The following ZMYM2 variants were observed in gnomAD, a reference collection of about 807,000 sequenced individuals.
The protein encoded by ZMYM2 is zinc finger MYM-type containing 2.
In ZMYM2, 56 loss-of-function variants were observed where a neutral mutation model predicts 162.8. The observed-to-expected ratio is 0.34, with a 90% CI of 0.28 to 0.43. ZMYM2 has a LOEUF of 0.43. Ranked by LOEUF, ZMYM2 falls within the 20% of genes least tolerant of loss-of-function variation. The probability of loss-of-function intolerance (pLI) is 1.00; values close to 1 mark genes in which losing one functional copy is unlikely to be tolerated. For synonymous variants in ZMYM2, 510 were observed against 541.6 expected (o/e 0.94, Z 0.81); for missense variants, 1,275 against 1,621.8 (o/e 0.79, Z 3.67).
chr13:20,005,767 T>G (rs1189786530), intron 5 of ZMYM2, among the ~76,000 whole-genome samples: 1 of 152,202 alleles, frequency 6.6e-6, no homozygotes, highest in Non-Finnish European at 1.5e-5. Flanking sequence ...TTTTAAAAAT[T>G]GGTCTAAAGA....
the ZMYM2 span, among the ~76,000 whole-genome samples, chr13:19,937,530 C>T: frequency 1.4e-5 from 2 of 145,452 alleles, no homozygotes; most frequent in African/African-American, 2.6e-5. Flanking sequence ...GTGGCGTGAT[C>T]TCAGCTCACT....
the ZMYM2 span, among the ~76,000 whole-genome samples, chr13:19,917,184 A>G: frequency 6.6e-3 from 996 of 152,000 alleles, 5 homozygotes; most frequent in Middle Eastern, 0.017. Context: ...GGATGGTCTC[A>G]ATCTCCTGAC....
the ZMYM2 span, among the ~76,000 whole-genome samples, chr13:19,941,853 C>G: frequency 5.9e-5 from 9 of 151,320 alleles, no homozygotes; most frequent in African/African-American, 2.4e-5. Flanking sequence ...CTAAGCCGAT[C>G]CTCCCACCTC....
intron 8 of ZMYM2, 31 bp from the exon 9 acceptor site, chr13:20,027,172 A>G: frequency 2.0e-6 from 3 of 1,477,272 alleles, no homozygotes; most frequent in South Asian, 1.3e-5. Context: ...TACTTTATAA[A>G]CAAATCAGAT....
intron 21 of ZMYM2, among the ~76,000 whole-genome samples, chr13:20,072,722 C>T (rs1957180609): frequency 6.6e-6 from 1 of 151,968 alleles, no homozygotes; most frequent in South Asian, 2.1e-4. Context: ...ATCACTTAAT[C>T]AGTTCCTTTA....
chr13:20,034,294 A>G lies in ZMYM2; in HGVS notation c.2009A>G (p.Asp670Gly). Residue 670 changes from aspartate to glycine, a missense_variant, in exon 11 of 25, where the codon GAC (aspartate) becomes GGC (glycine). Physicochemically the swap from Asp to Gly is moderately conservative, Grantham distance 94. This residue lies in a region of ZMYM2 where 276 missense variants were observed against 311.8 expected (regional missense o/e 0.89). Transcript: ENST00000610343. The part of the protein sequence containing the change: ...HQFCSKTCSD[D>G]YKKLHCIVTY... ...TTCTGCAGCAAAACTTGTTCAGATG[A>G]CTATAAGAAGTTGCATTGCATAGTT... 2 of 1,609,672 alleles carry G rather than the reference A, an allele frequency of 1.2e-6. No individual in the cohort carries two copies. Among genetic ancestry groups the G allele is most frequent in the Non-Finnish European group, 1.7e-6 (2 of 1,178,450 alleles).
At chr13:20,054,838 T>C (rs1955657804) in intron 14 of ZMYM2, among the ~76,000 whole-genome samples, 1 of 152,160 alleles carries the variant, frequency 6.6e-6, no homozygotes, top group South Asian at 2.1e-4. Context: ...ATGTAACAGA[T>C]ACTGTTTGCT....
chr13:19,876,614 C>T, the ZMYM2 span, among the ~76,000 whole-genome samples: 16 of 152,130 alleles, frequency 1.1e-4, no homozygotes, highest in African/African-American at 3.6e-4. Flanking sequence ...TGAGCCACCT[C>T]GCCTGGCCTA....
At chr13:19,919,411 AG>A in the ZMYM2 span, among the ~76,000 whole-genome samples, 1 of 152,166 alleles carries the variant, frequency 6.6e-6, no homozygotes, top group Non-Finnish European at 1.5e-5. Context: ...TAGTGTTTTA[AG>A]AAGCTGCCAA....
At chr13:19,970,898 A>G (rs1389207060) in intron 2 of ZMYM2, among the ~76,000 whole-genome samples, 1 of 152,148 alleles carries the variant, frequency 6.6e-6, no homozygotes, top group Non-Finnish European at 1.5e-5. Flanking sequence ...TGTTTGATGC[A>G]GGAGGATCTT....
At chr13:19,937,808 T>G in the ZMYM2 span, among the ~76,000 whole-genome samples, 21 of 106,930 alleles carry the variant, frequency 2.0e-4, no homozygotes, top group Middle Eastern at 0.023. Context: ...CTCACAACAG[T>G]CCCTGGTGTG....
chr13:19,901,666 G>A, the ZMYM2 span, among the ~76,000 whole-genome samples: 9 of 152,050 alleles, frequency 5.9e-5, no homozygotes, highest in Admixed American at 5.9e-4. Flanking sequence ...TAGTAGAGAC[G>A]GGGTTTCACC....
At chr13:19,978,562 A>G (rs367906730) in intron 2 of ZMYM2, among the ~76,000 whole-genome samples, 1 of 151,894 alleles carries the variant, frequency 6.6e-6, no homozygotes, top group South Asian at 2.1e-4. Context: ...GATTACAGGC[A>G]TGTGCCACCA....
chr13:19,932,556 G>T, the ZMYM2 span, among the ~76,000 whole-genome samples: 1 of 152,044 alleles, frequency 6.6e-6, no homozygotes, highest in Non-Finnish European at 1.5e-5. Context: ...GGCTGAGGCA[G>T]AATTGCTTCA....
intron 12 of ZMYM2, among the ~76,000 whole-genome samples, chr13:20,043,992 C>T (rs903539869): frequency 2.0e-4 from 30 of 152,218 alleles, no homozygotes; most frequent in African/African-American, 7.0e-4. Flanking sequence ...AAAGCAGGTA[C>T]TTTCACACTG....
At chr13:19,968,482 G>A (rs1263702446) in intron 2 of ZMYM2, among the ~76,000 whole-genome samples, 1 of 152,078 alleles carries the variant, frequency 6.6e-6, no homozygotes, top group African/African-American at 2.4e-5. Context: ...GGCTGGTCTC[G>A]AACTCCTGAC....
At chr13:19,949,104 A>AG in the ZMYM2 span, among the ~76,000 whole-genome samples, 1 of 4,376 alleles carries the variant, frequency 2.3e-4, no homozygotes, top group African/African-American at 2.6e-4. Flanking sequence ...TTATCTTCAC[A>AG]AAAAAAAAAA....
intron 2 of ZMYM2, among the ~76,000 whole-genome samples, chr13:19,980,527 A>T (rs1011744207): frequency 6.6e-6 from 1 of 151,990 alleles, no homozygotes; most frequent in Non-Finnish European, 1.5e-5. Flanking sequence ...CAAGGCAGGC[A>T]GATCACTTGA....
intron 2 of ZMYM2, among the ~76,000 whole-genome samples, chr13:19,967,133 C>A (rs1955860417): frequency 6.6e-6 from 1 of 152,106 alleles, no homozygotes; most frequent in Non-Finnish European, 1.5e-5. Flanking sequence ...CTTACCTGTT[C>A]ATTTGTCTTT....
Sources: gnomAD v4.1 joint callset for allele counts (sites outside exome capture counted in the v4.1 genomes callset) on GRCh38, gnomAD v4.1.1 for gene constraint, gnomAD v4.1.1 regional missense constraint, MANE v1.5 for transcripts, NCBI Gene and HGNC (gene_info 2026-07-23, HGNC 2026-07-21) for gene names.